The following EIF4B variants were observed in gnomAD, a reference collection of about 807,000 sequenced individuals.
The protein encoded by EIF4B is eukaryotic translation initiation factor 4B.
A neutral mutation model predicts 79.3 loss-of-function variants in EIF4B; 8 were observed. The observed-to-expected ratio is 0.10, with a 90% CI of 0.06 to 0.18. The LOEUF is 0.18. EIF4B is among the 10% of genes least tolerant of loss of function. The pLI is 1.00. For missense variants in EIF4B, 515 were observed against 792.4 expected, an observed-to-expected ratio of 0.65 and a Z score of 4.20; for synonymous variants, 238 against 274.7, an observed-to-expected ratio of 0.87 and a Z score of 1.32.
chr12:53,030,413 CTTTTTTTTTTT>C (rs759061266), intron 8 of EIF4B, among the ~76,000 whole-genome samples: 26 of 43,102 alleles, frequency 6.0e-4, no homozygotes, highest in African/African-American at 1.2e-3. Flanking sequence ...AAATTATATT[CTTTTTTTTTTT>C]TTTTTTTTTT....
At chr12:53,010,641 GTTTTGTTTGT>G (rs1259175017) in intron 1 of EIF4B, among the ~76,000 whole-genome samples, 2 of 152,068 alleles carry the variant, frequency 1.3e-5, no homozygotes, top group African/African-American at 4.8e-5. Flanking sequence ...AGTAGCTTTT[GTTTTGTTTGT>G]TTTTGTTTTT....
chr12:53,024,754 A>G (rs985090836), intron 6 of EIF4B, among the ~76,000 whole-genome samples: 5 of 152,138 alleles, frequency 3.3e-5, no homozygotes, highest in Admixed American at 6.6e-5. Context: ...TGCCAGGTTC[A>G]GGGTGTTCCT....
intron 8 of EIF4B, among the ~76,000 whole-genome samples, 172 bp downstream of exon 8, chr12:53,028,360 A>G (rs1416484527): frequency 4.6e-5 from 7 of 152,020 alleles, no homozygotes; most frequent in African/African-American, 1.7e-4. Context: ...GGCAGATCAC[A>G]AGGTCAGGAG....
At chr12:53,035,765 A>G (rs550678308) in intron 10 of EIF4B, among the ~76,000 whole-genome samples, 1 of 151,972 alleles carries the variant, frequency 6.6e-6, no homozygotes, top group Non-Finnish European at 1.5e-5. Flanking sequence ...AGCCACTGTG[A>G]TATTTTTTAA....
At chr12:53,010,895 G>T (rs1397375659) in intron 1 of EIF4B, among the ~76,000 whole-genome samples, 1 of 152,142 alleles carries the variant, frequency 6.6e-6, no homozygotes, top group African/African-American at 2.4e-5. Context: ...TAATTATGGA[G>T]AATGTGGCAG....
rs745725546 is a variant in EIF4B at position 53,019,912 on chromosome 12, C to A, written c.363C>A (p.Ile121=). 6.2e-7 allele frequency: 1 copy of A among 1,606,952 alleles called. No individual in the cohort carries two copies. Among genetic ancestry groups the A allele is most frequent in the Non-Finnish European group, 8.5e-7 (1 of 1,178,000 alleles). Residue 121 remains isoleucine, a splice_region_variant and synonymous_variant, in exon 4 of 15, where the codon ATC becomes ATA. Coordinates refer to ENST00000262056, the MANE Select transcript of EIF4B (RefSeq NM_001417.7). The part of the protein sequence containing the change: ...SIKEFFRGLN[I]SAVRLPREPS... ...GTTGTTGATTCTTATTCCTTCAGAT[C>A]AGTGCAGTGCGTTTACCACGTGAAC...
intron 1 of EIF4B, among the ~76,000 whole-genome samples, chr12:53,007,255 C>G (rs1023735102): frequency 6.6e-6 from 1 of 152,008 alleles, no homozygotes; most frequent in African/African-American, 2.4e-5. Flanking sequence ...GGTGCGCCCA[C>G]GTGTTGGAGA....
chr12:53,037,265 T>G, intron 10 of EIF4B, 144 bp from the exon 11 acceptor site: 3 of 848,010 alleles, frequency 3.5e-6, no homozygotes, highest in Non-Finnish European at 5.5e-6. Context: ...GTTCTGGAAA[T>G]ACTTGTAAAC....
chr12:53,010,675 G>C (rs1009838878), intron 1 of EIF4B, among the ~76,000 whole-genome samples: 1 of 152,164 alleles, frequency 6.6e-6, no homozygotes, highest in African/African-American at 2.4e-5. Flanking sequence ...TTGAGACAGA[G>C]TCTCACTATG....
chr12:53,010,834 G>C (rs1943052326), intron 1 of EIF4B, among the ~76,000 whole-genome samples: 1 of 152,062 alleles, frequency 6.6e-6, no homozygotes, highest in Non-Finnish European at 1.5e-5. Context: ...TGGCCTCCCG[G>C]AGTACTGGGA....
At chr12:53,027,136 AATTTTTT>A (rs1321787718) in intron 6 of EIF4B, among the ~76,000 whole-genome samples, 22 of 29,448 alleles carry the variant, frequency 7.5e-4, no homozygotes, top group South Asian at 1.5e-3. Flanking sequence ...AAAAAAAAAA[AATTTTTT>A]TTTTTTTTTT....
chr12:53,029,605 A>T (rs1030557318), intron 8 of EIF4B, among the ~76,000 whole-genome samples: 1 of 151,926 alleles, frequency 6.6e-6, no homozygotes, highest in South Asian at 2.1e-4. Flanking sequence ...CAATCTCTTG[A>T]CCTCGTGATC....
intron 6 of EIF4B, 86 bp from the exon 7 acceptor site, chr12:53,027,696 T>G: frequency 6.8e-7 from 1 of 1,462,964 alleles, no homozygotes. Context: ...ATAAACAGAT[T>G]CTTCCAAATT....
At chr12:53,021,555 T>C (rs1206839107) in intron 4 of EIF4B, among the ~76,000 whole-genome samples, 1 of 152,242 alleles carries the variant, frequency 6.6e-6, no homozygotes, top group African/African-American at 2.4e-5. Context: ...AAAAGTTAAT[T>C]CTATTCTGTG....
chr12:53,014,802 A>G (rs1282145952), intron 1 of EIF4B: 2 of 152,228 alleles, frequency 1.3e-5, no homozygotes, highest in African/African-American at 2.4e-5. Context: ...TATAAAAACC[A>G]TGAAGCCAAT....
At chr12:53,039,747 T>A in intron 14 of EIF4B, 45 bp downstream of exon 14, 7 of 1,574,736 alleles carry the variant, frequency 4.4e-6, no homozygotes, top group Non-Finnish European at 6.0e-6. Flanking sequence ...TAAGAAAAAT[T>A]CTTAGAATTC....
chr12:53,021,885 G>A (rs1181509430), intron 5 of EIF4B, 25 bp downstream of exon 5: 1 of 1,613,946 alleles, frequency 6.2e-7, no homozygotes, highest in Non-Finnish European at 8.5e-7. Flanking sequence ...AGAGATTTCT[G>A]TTTGGTAATG....
rs1243463326 is a variant in EIF4B at position 53,027,880 on chromosome 12, G to T, written c.766G>T (p.Asp256Tyr). 2 of 1,614,148 alleles carry T rather than the reference G, an allele frequency of 1.2e-6. No homozygotes were observed. Among genetic ancestry groups the T allele is most frequent in the Non-Finnish European group, 1.7e-6 (2 of 1,180,060 alleles). ...GGATATGGATCGATATGGTGGCCGG[G>T]ATCGCTATGATGACCGAGGCAGCAG... ...RRDMDRYGGR[D>Y]RYDDRGSRDY... The change falls in exon 7 of 15, where the codon GAT (aspartate) becomes TAT (tyrosine). Residue 256 changes from aspartate (D) to tyrosine (Y), a missense_variant. Transcript: ENST00000262056.
At chr12:53,027,020 C>G (rs559483385) in intron 6 of EIF4B, among the ~76,000 whole-genome samples, 1 of 150,826 alleles carries the variant, frequency 6.6e-6, no homozygotes, top group Non-Finnish European at 1.5e-5. Flanking sequence ...CTGGGTGTTA[C>G]GGCTCAGGCC....
Sources: allele counts gnomAD v4.1 joint callset (sites outside exome capture counted in the v4.1 genomes callset), GRCh38; gene constraint gnomAD v4.1.1; transcripts MANE v1.5; gene names NCBI Gene and HGNC (gene_info 2026-07-23, HGNC 2026-07-21).